Variants in FSTL4 observed in about 807,000 individuals in gnomAD.
The protein encoded by FSTL4 is follistatin like 4.
FSTL4 carries 28 observed loss-of-function variants against 78.2 expected under a neutral mutation model. That is an observed-to-expected ratio of 0.36 (90% confidence interval 0.27 to 0.49). FSTL4 has a LOEUF of 0.49. FSTL4 is among the 20% of genes least tolerant of loss of function. The probability of loss-of-function intolerance (pLI) is 0.98; values close to 1 mark genes in which losing one functional copy is unlikely to be tolerated. For missense variants in FSTL4, 922 were observed against 1,084.9 expected, an observed-to-expected ratio of 0.85 and a Z score of 2.11; for synonymous variants, 422 against 440.5, an observed-to-expected ratio of 0.96 and a Z score of 0.53.
chr5:133,515,405 G>GAA (rs767128281), intron 3 of FSTL4, among the ~76,000 whole-genome samples: 1 of 135,008 alleles, frequency 7.4e-6, no homozygotes, highest in African/African-American at 2.7e-5. Context: ...AAAAGGAAAG[G>GAA]AAAAAAAAAA....
At chr5:133,396,503 C>T (rs2126967541) in intron 4 of FSTL4, among the ~76,000 whole-genome samples, 1 of 152,320 alleles carries the variant, frequency 6.6e-6, no homozygotes, top group East Asian at 1.9e-4. Context: ...CTATCAATGC[C>T]TGACAGCATC....
chr5:133,297,420 AT>A (rs1180706048), intron 6 of FSTL4, among the ~76,000 whole-genome samples: 3 of 152,124 alleles, frequency 2.0e-5, no homozygotes, highest in Non-Finnish European at 4.4e-5. Context: ...AGATGTGCTG[AT>A]GGAGTGCTGG....
At chr5:133,790,839 C>CT in the FSTL4 span, among the ~76,000 whole-genome samples, 1 of 152,256 alleles carries the variant, frequency 6.6e-6, no homozygotes, top group African/African-American at 2.4e-5. Context: ...CGGCATTCGT[C>CT]TAGCCCTCGC....
intron 14 of FSTL4, among the ~76,000 whole-genome samples, chr5:133,206,216 T>G (rs1428914432): frequency 1.3e-5 from 2 of 152,330 alleles, no homozygotes; most frequent in African/African-American, 4.8e-5. Flanking sequence ...ATGGTAGATT[T>G]TTCTTTAAAA....
At chr5:133,756,749 G>A in the FSTL4 span, among the ~76,000 whole-genome samples, 14 of 152,120 alleles carry the variant, frequency 9.2e-5, no homozygotes, top group Non-Finnish European at 1.6e-4. Flanking sequence ...TGCTATATCC[G>A]GAGCATTTCT....
chr5:133,484,460 A>G (rs1243946093), intron 3 of FSTL4, among the ~76,000 whole-genome samples: 2 of 152,238 alleles, frequency 1.3e-5, no homozygotes, highest in African/African-American at 4.8e-5. Context: ...GATATCTACT[A>G]GCCCACATGA....
intron 6 of FSTL4, among the ~76,000 whole-genome samples, chr5:133,272,693 G>A (rs1752793102): frequency 6.6e-6 from 1 of 152,212 alleles, no homozygotes; most frequent in Admixed American, 6.5e-5. Flanking sequence ...GCATTTTAAA[G>A]GAATAATAAC....
the FSTL4 span, among the ~76,000 whole-genome samples, chr5:133,621,201 C>A: frequency 6.6e-6 from 1 of 152,136 alleles, no homozygotes; most frequent in Non-Finnish European, 1.5e-5. Flanking sequence ...GAGATCAATA[C>A]CATCCTGGCT....
At chr5:133,764,574 A>T in the FSTL4 span, among the ~76,000 whole-genome samples, 2 of 151,844 alleles carry the variant, frequency 1.3e-5, no homozygotes, top group Admixed American at 1.3e-4. Context: ...GCACCTAAGC[A>T]CAGGCACATA....
At position 133,560,373 on chromosome 5, in the gene FSTL4, GAGA is replaced by G. The variant is rs1416929749; in HGVS notation, c.160+6810_160+6812del. 2.6e-5 allele frequency among the ~76,000 whole-genome samples: 4 copies of G among 152,310 alleles called. No individual in the cohort carries two copies. In the South Asian group the frequency reaches 6.2e-4, roughly 24 times the overall value. ...GCTCAGAAAGCCCCTGATCTTGGGA[GAGA>G]AGTTTATGTTTGTCTTTAAGTCTCA... On this transcript the variant is annotated intron_variant, in intron 3 of 15. Coordinates refer to ENST00000265342, the MANE Select transcript of FSTL4 (RefSeq NM_015082.2).
intron 3 of FSTL4, among the ~76,000 whole-genome samples, chr5:133,537,426 C>A (rs1759370870): frequency 6.6e-6 from 1 of 152,122 alleles, no homozygotes; most frequent in South Asian, 2.1e-4. Context: ...TAAGCAATTA[C>A]ATTTTGCATG....
intron 4 of FSTL4, among the ~76,000 whole-genome samples, chr5:133,326,555 C>T (rs543218038): frequency 6.6e-6 from 1 of 152,346 alleles, no homozygotes; most frequent in African/African-American, 2.4e-5. Context: ...TCCCAGTGGT[C>T]CCAGTCTGGC....
intron 3 of FSTL4, among the ~76,000 whole-genome samples, chr5:133,500,021 T>C (rs1447081664): frequency 2.6e-5 from 4 of 152,162 alleles, no homozygotes; most frequent in Admixed American, 6.5e-5. Context: ...TGGGGATGTA[T>C]AGGGCGCTTC....
chr5:133,756,112 G>A, the FSTL4 span, among the ~76,000 whole-genome samples: 6 of 152,146 alleles, frequency 3.9e-5, no homozygotes, highest in Admixed American at 6.5e-5. Flanking sequence ...TGGCAAGAGC[G>A]GGCTTATAAT....
intron 4 of FSTL4, among the ~76,000 whole-genome samples, chr5:133,391,980 C>A (rs1326252276): frequency 6.6e-6 from 1 of 152,216 alleles, no homozygotes; most frequent in Non-Finnish European, 1.5e-5. Flanking sequence ...TGTGTCCCCA[C>A]ATCTCCAAAT....
chr5:133,527,439 T>C (rs762438080), intron 3 of FSTL4, among the ~76,000 whole-genome samples: 1 of 151,808 alleles, frequency 6.6e-6, no homozygotes, highest in Non-Finnish European at 1.5e-5. Flanking sequence ...AGCCTCTCAG[T>C]TGTGATCTCT....
intron 3 of FSTL4, among the ~76,000 whole-genome samples, chr5:133,512,554 C>T (rs1758756423): frequency 1.3e-5 from 2 of 152,166 alleles, no homozygotes; most frequent in South Asian, 4.2e-4. Flanking sequence ...TAGTACATGT[C>T]CTTCAATTAT....
intron 3 of FSTL4, among the ~76,000 whole-genome samples, chr5:133,476,728 G>A (rs1409765836): frequency 2.0e-5 from 3 of 152,150 alleles, no homozygotes; most frequent in African/African-American, 7.2e-5. Flanking sequence ...GTCCTTCTGA[G>A]CCCTATTTAC....
the FSTL4 span, among the ~76,000 whole-genome samples, chr5:133,831,593 C>T: frequency 6.6e-6 from 1 of 152,148 alleles, no homozygotes; most frequent in Non-Finnish European, 1.5e-5. Context: ...CTAATTATCT[C>T]TCTATAAACT....
Sources: allele counts gnomAD v4.1 joint callset (sites outside exome capture counted in the v4.1 genomes callset), GRCh38; gene constraint gnomAD v4.1.1; transcripts MANE v1.5; gene names NCBI Gene and HGNC (gene_info 2026-07-23, HGNC 2026-07-21).